ABCC12: variants seen among roughly 807,000 people sequenced by gnomAD.
ABCC12 encodes ATP binding cassette subfamily C member 12.
In ABCC12, 142 loss-of-function variants were observed where a neutral mutation model predicts 151.1. The observed-to-expected ratio is 0.94, with a 90% confidence interval of 0.82 to 1.08. The LOEUF (loss-of-function observed/expected upper bound fraction) is 1.08, where lower values mean the gene tolerates loss of function less well. Ranked by LOEUF, ABCC12 falls within the 50% of genes least tolerant of loss-of-function variation. The pLI, the probability that ABCC12 is intolerant of heterozygous loss-of-function variation, is 0.00. For synonymous variants in ABCC12, 645 were observed against 646.4 expected (o/e 1.00, Z 0.03); for missense variants, 1,638 against 1,691.1 (o/e 0.97, Z 0.55).
chr16:48,086,177 G>A, intron 28 of ABCC12: 2 of 176,074 alleles, frequency 1.1e-5, no homozygotes, highest in East Asian at 1.5e-4. Flanking sequence ...GGGCTGCAGA[G>A]GTGTCCATGC....
intron 14 of ABCC12, 59 bp downstream of exon 14, chr16:48,117,202 G>T: frequency 6.6e-7 from 1 of 1,516,562 alleles, no homozygotes. Context: ...CAGCCCTTTG[G>T]ACCTGAGCAA....
Position 48,083,514 on chromosome 16 carries a change from C to T in ABCC12, c.*201G>A. 1 of 632,014 alleles carries T rather than the reference C, an allele frequency of 1.6e-6. No individual in the cohort carries two copies. Among genetic ancestry groups the T allele is most frequent in the African/African-American group, 1.8e-5 (1 of 54,410 alleles). 39.2% of individuals were successfully genotyped at this position (632,014 alleles called of 1,614,324 possible). A position where few individuals can be genotyped will look rare whatever the true frequency, so the allele number is the denominator to read the frequency against. On this transcript the variant is annotated 3_prime_UTR_variant, in exon 31 of 31. Transcript: ENST00000311303. ...AGCTGGGTCTGCCCCGGTTCACCAC[C>T]CAGAACCAACCCCAAGCCCACCAAG...
chr16:48,096,931 A>G, intron 23 of ABCC12, 29 bp from the exon 24 acceptor site: 2 of 1,613,974 alleles, frequency 1.2e-6, no homozygotes, highest in Non-Finnish European at 1.7e-6. Context: ...AGCGTCTTAA[A>G]CCTACAGTCA....
At chr16:48,118,597 A>T (rs1963968063) in intron 13 of ABCC12, among the ~76,000 whole-genome samples, 1 of 152,220 alleles carries the variant, frequency 6.6e-6, no homozygotes, top group Admixed American at 6.5e-5. Flanking sequence ...GCGAGTAACA[A>T]TGGGCAGGCC....
chr16:48,099,119 C>T (rs985710100), intron 23 of ABCC12, among the ~76,000 whole-genome samples: 15 of 152,152 alleles, frequency 9.9e-5, no homozygotes, highest in Non-Finnish European at 1.8e-4. Flanking sequence ...AGAGGCAATT[C>T]TAAATTTAAT....
Position 48,097,003 on chromosome 16 carries a change from G to C in ABCC12, c.3039-101C>G, listed in dbSNP as rs944836605. ...TAGACTTAAGGTTAGGGTGACTGGA[G>C]AAATGAGGCCAAGGAATTTTTAATC... On this transcript the variant is annotated intron_variant, in intron 23 of 30. Coordinates refer to ENST00000311303, the MANE Select transcript of ABCC12 (RefSeq NM_001393797.1). 4.2e-6 allele frequency: 6 copies of C among 1,422,588 alleles called. No individual in the cohort carries two copies. The African/African-American group carries it at 8.5e-5, about 20-fold the overall frequency. The allele number at this position is 1,422,588 out of a possible 1,614,324, so 88.1% of individuals were successfully genotyped here.
At chr16:48,136,179 G>C (rs1475254565) in intron 8 of ABCC12, among the ~76,000 whole-genome samples, 6 of 152,160 alleles carry the variant, frequency 3.9e-5, no homozygotes. Context: ...TGGGATCCAA[G>C]CTCTGCTATC....
Position 48,138,282 on chromosome 16 carries a change from T to C in ABCC12, c.925A>G (p.Ile309Val), listed in dbSNP as rs933134337. ...VQTMNEFLTC[I>V]RLIKMYAWEK... ...CAGGCATACATTTTGATCAGCCTGATGCAGGTCAGAAACTCATTCATTGTC... is the reference window on the plus strand; with the variant it reads ...CAGGCATACATTTTGATCAGCCTGACGCAGGTCAGAAACTCATTCATTGTC... The change falls in exon 8 of 31, where the codon ATC becomes GTC. Residue 309 changes from isoleucine (I) to valine (V), a missense_variant. Transcript: ENST00000311303. 42 of 1,613,966 alleles carry C rather than the reference T, an allele frequency of 2.6e-5. No homozygotes were observed. The highest frequency in any genetic ancestry group is 3.6e-5 in the Non-Finnish European group (42 of 1,179,826).
Position 48,145,111 on chromosome 16 carries a change from T to A in ABCC12, c.120-1046A>T, listed in dbSNP as rs148189995. ...ATAAACTGGTTGAAAAAGTGGACAG[T>A]TAGAGATCTCCTGGGGCTAGGAATA... On this transcript the variant is annotated intron_variant, in intron 3 of 30. Coordinates refer to ENST00000311303, the MANE Select transcript of ABCC12 (RefSeq NM_001393797.1). Among the ~76,000 whole-genome samples the A allele has an allele frequency of 9.2e-5, 14 of 152,238 alleles. No homozygotes were observed. In the East Asian group the frequency reaches 2.1e-3, roughly 23 times the overall value.
At chr16:48,102,780 G>T (rs912913882) in intron 22 of ABCC12, among the ~76,000 whole-genome samples, 1 of 152,078 alleles carries the variant, frequency 6.6e-6, no homozygotes, top group East Asian at 1.9e-4. Context: ...TCCCCAAACC[G>T]CTTCTCCTCC....
intron 23 of ABCC12, 106 bp from the exon 24 acceptor site, chr16:48,097,008 G>C: frequency 7.3e-7 from 1 of 1,372,948 alleles, no homozygotes; most frequent in Non-Finnish European, 1.0e-6. Flanking sequence ...CTGGAGAAAT[G>C]AGGCCAAGGA....
In ABCC12 at chr16:48,141,829, C is replaced by A. The variant is rs558965601; in HGVS notation, c.276-476G>T. Among the ~76,000 whole-genome samples the A allele has an allele frequency of 9.8e-5, 15 of 152,306 alleles. No homozygotes were observed. In the South Asian group the frequency reaches 3.1e-3, roughly 32 times the overall value. On this transcript the variant is annotated intron_variant, in intron 4 of 30. Coordinates refer to ENST00000311303, the MANE Select transcript of ABCC12 (RefSeq NM_001393797.1). ...GGGACTTCACAAGACCTAGGGAAAACCTCAAGGGCCTTCAGGAGTTTAGGT... is the reference window on the plus strand; with the variant it reads ...GGGACTTCACAAGACCTAGGGAAAAACTCAAGGGCCTTCAGGAGTTTAGGT...
rs1211714476 is a variant in ABCC12, at chr16:48,081,154, A to G, written c.*2561T>C. Reference sequence around the variant, plus strand: ...CTGTCACACTGAGGATTATGTTTCAACAGGAGGATTTTGGGGGAACACAAT... The same window carrying G: ...CTGTCACACTGAGGATTATGTTTCAGCAGGAGGATTTTGGGGGAACACAAT... On this transcript the variant is annotated 3_prime_UTR_variant, in exon 31 of 31. Coordinates refer to ENST00000311303, the MANE Select transcript of ABCC12 (RefSeq NM_001393797.1). 3.9e-5 allele frequency among the ~76,000 whole-genome samples: 6 copies of G among 152,194 alleles called. No homozygotes were observed. Among genetic ancestry groups the G allele is most frequent in the Admixed American group, 3.3e-4 (5 of 15,274 alleles).
chr16:48,142,378 G>A (rs1348064279), intron 4 of ABCC12, among the ~76,000 whole-genome samples: 1 of 152,198 alleles, frequency 6.6e-6, no homozygotes, highest in Non-Finnish European at 1.5e-5. Flanking sequence ...TTGGATTGGA[G>A]GGGTTCACTT....
At chr16:48,088,831 T>A (rs1268079973) in intron 25 of ABCC12, 97 bp from the exon 26 acceptor site, 1 of 1,063,062 alleles carries the variant, frequency 9.4e-7, no homozygotes, top group Admixed American at 2.9e-5. Flanking sequence ...CAGGTACTGC[T>A]ATTCATGGTG....
In ABCC12 at chr16:48,105,151, C is replaced by T. The variant is rs138133338; in HGVS notation, c.2661G>A (p.Thr887=). The T allele has an allele frequency of 2.0e-4, 325 of 1,614,128 alleles. 1 individual carries two copies. Among genetic ancestry groups the T allele is most frequent in the Non-Finnish European group, 2.5e-4 (296 of 1,180,022 alleles). The change falls in exon 21 of 31, where the codon ACG becomes ACA. Residue 887 remains threonine, a synonymous_variant. Transcript: ENST00000311303. ...TLMASSSLHD[T]VFDKILKSPM... is the part of the protein sequence containing the mutation. Reference sequence around the variant, plus strand: ...CTTGTGGCCCTACCTTATCAAACACCGTGTCATGCAGAGAGGAGGATGCCA... The same window carrying T: ...CTTGTGGCCCTACCTTATCAAACACTGTGTCATGCAGAGAGGAGGATGCCA...
At chr16:48,140,595 A>G (rs1964769842) in intron 6 of ABCC12, 92 bp downstream of exon 6, 1 of 1,225,492 alleles carries the variant, frequency 8.2e-7, no homozygotes. Context: ...AGCAAAAGGA[A>G]GGCAGGTGCT....
intron 27 of ABCC12, chr16:48,087,192 A>C (rs1962652546): frequency 4.9e-6 from 1 of 205,416 alleles, no homozygotes; most frequent in African/African-American, 2.3e-5. Context: ...TGAGCAACCC[A>C]AATCTGCCAC....
intron 5 of ABCC12, 97 bp downstream of exon 5, chr16:48,141,107 CAA>C (rs1964794260): frequency 2.6e-6 from 4 of 1,517,862 alleles, no homozygotes; most frequent in Admixed American, 4.0e-5. Context: ...AAGATAATGA[CAA>C]TGCACTAAAC....
Sources: gnomAD v4.1 joint callset for allele counts (sites outside exome capture counted in the v4.1 genomes callset) on GRCh38, gnomAD v4.1.1 for gene constraint, MANE v1.5 for transcripts, NCBI Gene and HGNC (gene_info 2026-07-23, HGNC 2026-07-21) for gene names.